HOMER2: variants seen among roughly 807,000 people sequenced by gnomAD.
HOMER2 encodes the protein homer scaffold protein 2, also known as homer protein homolog 2.
Under a neutral mutation model 47.0 loss-of-function variants are expected in HOMER2, and 27 were observed. That is an observed-to-expected ratio of 0.57 (90% CI 0.42 to 0.79). The LOEUF is 0.79. Among genes scored for constraint, HOMER2 ranks in the 30% least tolerant of loss-of-function variants. The probability of loss-of-function intolerance (pLI) is 0.00; values close to 1 mark genes in which losing one functional copy is unlikely to be tolerated. For missense variants in HOMER2, 443 were observed against 435.0 expected, an observed-to-expected ratio of 1.02 and a Z score of -0.16; for synonymous variants, 161 against 163.8, an observed-to-expected ratio of 0.98 and a Z score of 0.13.
intron 1 of HOMER2, among the ~76,000 whole-genome samples, chr15:82,951,789 T>C (rs549379168): frequency 6.6e-6 from 1 of 152,238 alleles, no homozygotes. Context: ...TGAATACGTA[T>C]GGCAAACCGT....
upstream of HOMER2, among the ~76,000 whole-genome samples, chr15:82,955,997 T>A (rs974761929): frequency 1.1e-4 from 16 of 152,096 alleles, no homozygotes; most frequent in African/African-American, 3.9e-4. Flanking sequence ...CCCAGCACTT[T>A]GGGAGGCCAA....
intron 1 of HOMER2, among the ~76,000 whole-genome samples, chr15:82,901,838 T>G (rs2053128659): frequency 6.6e-6 from 1 of 152,218 alleles, no homozygotes; most frequent in South Asian, 2.1e-4. Context: ...TTCTCATAAT[T>G]ATCTGCTATC....
intron 4 of HOMER2, among the ~76,000 whole-genome samples, chr15:82,860,072 AC>A (rs1250900611): frequency 6.6e-6 from 1 of 151,974 alleles, no homozygotes; most frequent in Non-Finnish European, 1.5e-5. Context: ...ACATAGTGAA[AC>A]CCTGTCTCTA....
chr15:82,888,778 G>A (rs1335048124), intron 2 of HOMER2, among the ~76,000 whole-genome samples: 1 of 82,776 alleles, frequency 1.2e-5, no homozygotes, highest in Admixed American at 1.3e-4. Context: ...ACACACACTG[G>A]CCTGCGCCCA....
chr15:82,911,449 G>A (rs4843141), intron 1 of HOMER2, among the ~76,000 whole-genome samples: 89,424 of 151,670 alleles, frequency 0.59, 27,892 homozygotes, highest in African/African-American at 0.79. Context: ...AGGTTTAGGG[G>A]AAAAAAAGCT....
At chr15:82,868,541 A>ATATATATATTTTT in intron 3 of HOMER2, among the ~76,000 whole-genome samples, 5 of 71,262 alleles carry the variant, frequency 7.0e-5, no homozygotes, top group Admixed American at 1.8e-4. Flanking sequence ...ATATATATAT[A>ATATATATATTTTT]TTTTTTTTTT....
At chr15:82,963,971 C>T (rs535451500) in intron 1 of HOMER2, among the ~76,000 whole-genome samples, 5 of 152,284 alleles carry the variant, frequency 3.3e-5, no homozygotes, top group South Asian at 2.1e-4. Flanking sequence ...TGAGCACTGA[C>T]GATGAGATGT....
At chr15:82,891,441 C>A (rs2151096009) in intron 2 of HOMER2, among the ~76,000 whole-genome samples, 1 of 152,318 alleles carries the variant, frequency 6.6e-6, no homozygotes, top group Non-Finnish European at 1.5e-5. Flanking sequence ...GGGTAAAAAG[C>A]AGTCACTTAG....
At chr15:82,860,837 T>G (rs2051748004) in intron 4 of HOMER2, among the ~76,000 whole-genome samples, 1 of 151,842 alleles carries the variant, frequency 6.6e-6, no homozygotes, top group Non-Finnish European at 1.5e-5. Flanking sequence ...ATGGGGAAGC[T>G]GAGGCAGGAG....
At chr15:82,945,858 T>C (rs2054367013) in intron 1 of HOMER2, among the ~76,000 whole-genome samples, 1 of 151,966 alleles carries the variant, frequency 6.6e-6, no homozygotes, top group Non-Finnish European at 1.5e-5. Context: ...TAGTCCCAGC[T>C]ACTCGGGAGG....
intron 1 of HOMER2, among the ~76,000 whole-genome samples, chr15:82,950,343 TG>T (rs1199790155): frequency 6.6e-6 from 1 of 151,734 alleles, no homozygotes; most frequent in Non-Finnish European, 1.5e-5. Context: ...CATCTCAAGT[TG>T]GGGGGAGGTA....
intron 1 of HOMER2, among the ~76,000 whole-genome samples, chr15:82,983,694 T>TC (rs1247554168): frequency 6.6e-6 from 1 of 151,678 alleles, no homozygotes; most frequent in Non-Finnish European, 1.5e-5. Flanking sequence ...GTTCAAGCAA[T>TC]CCTCCCTGCC....
intron 1 of HOMER2, among the ~76,000 whole-genome samples, chr15:82,916,774 G>GT (rs1290552285): frequency 1.3e-5 from 2 of 152,018 alleles, no homozygotes; most frequent in Non-Finnish European, 2.9e-5. Context: ...TTGGCCCAAA[G>GT]TATGGGCTGC....
At chr15:82,835,197 G>C (rs1404341543), downstream of HOMER2, 2 of 151,816 alleles carry the variant, frequency 1.3e-5, no homozygotes, top group Admixed American at 1.3e-4. Context: ...CACGATCTCA[G>C]CTCACTGCAA....
chr15:82,922,190 G>T lies in HOMER2; in HGVS notation c.6-29349C>A, dbSNP rs1017875917. Among the ~76,000 whole-genome samples, 4 of 152,260 alleles carry T rather than the reference G, an allele frequency of 2.6e-5. No individual in the cohort carries two copies. In the South Asian group the frequency reaches 8.3e-4, roughly 32 times the overall value. The stretch of plus-strand genomic sequence containing the variant: ...CCTCCAACACTGAAAGACCTTCCTT[G>T]TATGAGCACCACTGCCCCTGACACA... On this transcript the variant is annotated intron_variant, in intron 1 of 8. Transcript: ENST00000450735.
At chr15:82,869,981 G>T (rs1290537950) in intron 3 of HOMER2, among the ~76,000 whole-genome samples, 1 of 152,110 alleles carries the variant, frequency 6.6e-6, no homozygotes, top group Non-Finnish European at 1.5e-5. Context: ...AAAGGTTTCC[G>T]AAATGTATTG....
At chr15:82,863,407 G>A (rs897019217) in intron 4 of HOMER2, among the ~76,000 whole-genome samples, 1 of 152,178 alleles carries the variant, frequency 6.6e-6, no homozygotes, top group Non-Finnish European at 1.5e-5. Flanking sequence ...ACCCAGTAAT[G>A]AAGAATTCTA....
intron 3 of HOMER2, among the ~76,000 whole-genome samples, chr15:82,868,541 ATTTTTTTT>A (rs10678643): frequency 4.2e-5 from 3 of 71,290 alleles, no homozygotes; most frequent in African/African-American, 1.0e-4. Flanking sequence ...ATATATATAT[ATTTTTTTT>A]TTTTTTTTTC....
intron 1 of HOMER2, among the ~76,000 whole-genome samples, chr15:82,949,847 G>T (rs773213794): frequency 6.6e-6 from 1 of 152,206 alleles, no homozygotes; most frequent in African/African-American, 2.4e-5. Context: ...TGTGCTGGTG[G>T]CTGCCACGCA....
Sources: gnomAD v4.1 joint callset for allele counts (sites outside exome capture counted in the v4.1 genomes callset) on GRCh38, gnomAD v4.1.1 for gene constraint, MANE v1.5 for transcripts, NCBI Gene and HGNC (gene_info 2026-07-23, HGNC 2026-07-21) for gene names.